TMEM128: variants seen among roughly 807,000 people sequenced by gnomAD.
The protein encoded by TMEM128 is transmembrane protein 128.
TMEM128 carries 16 observed loss-of-function variants against 19.7 expected under a neutral mutation model. That is an observed-to-expected ratio of 0.81 (90% confidence interval 0.55 to 1.23). The LOEUF is 1.23. Among genes scored for constraint, TMEM128 ranks in the 50% most tolerant of loss-of-function variants. TMEM128 has a pLI of 0.00. For synonymous variants in TMEM128, 98 were observed against 75.8 expected (o/e 1.29, Z -1.52); for missense variants, 237 against 200.8 (o/e 1.18, Z -1.09).
At chr4:4,245,900 T>C (rs901210605) in intron 2 of TMEM128, among the ~76,000 whole-genome samples, 1 of 152,120 alleles carries the variant, frequency 6.6e-6, no homozygotes, top group African/African-American at 2.4e-5. Context: ...TAGTTACCAC[T>C]GGTGGGGTAA....
At chr4:4,238,925 C>T (rs371860133) in intron 3 of TMEM128, among the ~76,000 whole-genome samples, 5 of 151,966 alleles carry the variant, frequency 3.3e-5, no homozygotes, top group African/African-American at 9.7e-5. Flanking sequence ...CCCAACTACT[C>T]GGGAGGCTGA....
chr4:4,240,347 A>G lies in TMEM128; in HGVS notation c.372T>C (p.Thr124=), dbSNP rs1391136294. The G allele has an allele frequency of 1.9e-6, 3 of 1,614,010 alleles. No homozygotes were observed. Among genetic ancestry groups the G allele is most frequent in the Admixed American group, 1.7e-5 (1 of 59,964 alleles). The stretch of plus-strand genomic sequence containing the variant: ...AAATTCCTGCTGCAATAAAGGAGGC[A>G]GTGGTAATGGGTATCAAGGCTGGAT... The part of the protein sequence containing the change: ...VKYPALIPIT[T]ASFIAAGICF... The change falls in exon 3 of 5, where the codon ACT becomes ACC. Residue 124 remains threonine (T), a synonymous_variant. Transcript: ENST00000382753.
chr4:4,246,310 G>C lies in TMEM128; in HGVS notation c.131C>G (p.Pro44Arg). 6.2e-7 allele frequency: 1 copy of C among 1,610,838 alleles called. No homozygotes were observed. Among genetic ancestry groups the C allele is most frequent in the Non-Finnish European group, 8.5e-7 (1 of 1,178,974 alleles). The change falls in exon 2 of 5, where the codon CCT becomes CGT. Residue 44 changes from proline (P) to arginine (R), a missense_variant. Coordinates refer to ENST00000382753, the MANE Select transcript of TMEM128 (RefSeq NM_001297551.2). The part of the protein sequence containing the change: ...TSTAVEKKEK[P>R]LPRLNIHSGF... ...AGAATGGATATTAAGTCTTGGAAGAGGTTTCTCCTTTTTCTCAACAGCTGT... is the reference window on the plus strand; with the variant it reads ...AGAATGGATATTAAGTCTTGGAAGACGTTTCTCCTTTTTCTCAACAGCTGT...
chr4:4,238,610 A>G (rs1311731673), intron 3 of TMEM128, among the ~76,000 whole-genome samples: 1 of 152,194 alleles, frequency 6.6e-6, no homozygotes, highest in Non-Finnish European at 1.5e-5. Context: ...AAAGTAAAAC[A>G]ACGTATCTGC....
rs749161555 is a variant in TMEM128 at position 4,246,267 on chromosome 4, T to G, written c.174A>C (p.Ala58=). 2 of 1,613,208 alleles carry G rather than the reference T, an allele frequency of 1.2e-6. No homozygotes were observed. Among genetic ancestry groups the G allele is most frequent in the Non-Finnish European group, 1.7e-6 (2 of 1,179,664 alleles). Residue 58 remains alanine, a synonymous_variant, in exon 2 of 5, where the codon GCA becomes GCC. Transcript: ENST00000382753. Reference sequence around the variant, plus strand: ...CAACATAATAGGTCACAACAATGGATGCCAAAATCCAGAATCCAGAATGGA... The same window carrying G: ...CAACATAATAGGTCACAACAATGGAGGCCAAAATCCAGAATCCAGAATGGA... ...LNIHSGFWIL[A]SIVVTYYVDF...
intron 2 of TMEM128, among the ~76,000 whole-genome samples, chr4:4,242,814 C>T (rs7676132): frequency 0.31 from 47,046 of 151,896 alleles, 7,909 homozygotes; most frequent in East Asian, 0.46. Context: ...CCACCATGCC[C>T]GGCCTAAGAA....
intron 2 of TMEM128, among the ~76,000 whole-genome samples, chr4:4,242,482 A>G (rs951553669): frequency 3.2e-4 from 49 of 151,254 alleles, no homozygotes; most frequent in African/African-American, 1.1e-3. Context: ...CTTTTTAGAC[A>G]TTTTTTTCCT....
chr4:4,247,222 A>C (rs1481950203), intron 1 of TMEM128, among the ~76,000 whole-genome samples: 1 of 152,222 alleles, frequency 6.6e-6, no homozygotes, highest in Non-Finnish European at 1.5e-5. Flanking sequence ...GGGTTGGGTC[A>C]GATGGATGAT....
At chr4:4,240,937 C>A (rs939111495) in intron 2 of TMEM128, among the ~76,000 whole-genome samples, 2 of 152,248 alleles carry the variant, frequency 1.3e-5, no homozygotes, top group Non-Finnish European at 1.5e-5. Flanking sequence ...ATTAGCCAGG[C>A]GTGGTGGCGC....
intron 1 of TMEM128, chr4:4,247,499 C>T: frequency 6.6e-7 from 1 of 1,520,316 alleles, no homozygotes; most frequent in Non-Finnish European, 9.1e-7. Flanking sequence ...GTCTCCCATC[C>T]TTAACCTCAG....
Position 4,240,468 on chromosome 4 carries a change from CAG to C in TMEM128, c.249_250del (p.Cys84TrpfsTer29), listed in dbSNP as rs747672700. The C allele has an allele frequency of 4.3e-6, 7 of 1,612,998 alleles. No homozygotes were observed. In the African/African-American group the frequency reaches 9.3e-5, roughly 22 times the overall value. On this transcript the variant is annotated frameshift_variant, in exon 3 of 5. Transcript: ENST00000382753. LOFTEE classifies it high-confidence loss of function. ...ACTGACAAGCAACAAGGCACTGCCA[CAG>C]AGAAACCAGCTGTGGAGATAAAAAC...
chr4:4,244,820 GTTC>G (rs1159331604), intron 2 of TMEM128, among the ~76,000 whole-genome samples: 1 of 152,182 alleles, frequency 6.6e-6, no homozygotes, highest in Non-Finnish European at 1.5e-5. Context: ...CCTTTGTCCA[GTTC>G]TTCATCACAC....
chr4:4,237,513 A>G (rs935769797), intron 4 of TMEM128, among the ~76,000 whole-genome samples: 5 of 152,192 alleles, frequency 3.3e-5, no homozygotes, highest in Admixed American at 2.0e-4. Flanking sequence ...ATGGTAGCAC[A>G]TGCTTATAAT....
At chr4:4,247,583 A>T in intron 1 of TMEM128, 1 of 1,614,202 alleles carries the variant, frequency 6.2e-7, no homozygotes, top group Non-Finnish European at 8.5e-7. Flanking sequence ...TCACAGGTGA[A>T]CATACATCAC....
At position 4,237,936 on chromosome 4, in the gene TMEM128, C is replaced by A. The variant is rs773057284; in HGVS notation, c.399-1G>T. On this transcript the variant is annotated splice_acceptor_variant, in intron 3 of 4. Coordinates refer to ENST00000382753, the MANE Select transcript of TMEM128 (RefSeq NM_001297551.2). LOFTEE classifies it high-confidence loss of function. ...CACATGCCATAAAGCAATGTTGAAG[C>A]TGAAAAGAACAAGACATAAACAGTT... is the stretch of plus-strand genomic sequence containing the variant. 4 of 1,546,058 alleles carry A rather than the reference C, an allele frequency of 2.6e-6. No homozygotes were observed. Among genetic ancestry groups the A allele is most frequent in the Non-Finnish European group, 3.5e-6 (4 of 1,141,306 alleles).
Position 4,246,299 on chromosome 4 carries a change from G to C in TMEM128, c.142C>G (p.Leu48Val). Residue 48 changes from leucine (L) to valine (V), a missense_variant, in exon 2 of 5, where the codon CTT becomes GTT. Physicochemically the swap from Leu to Val is conservative, Grantham distance 32. Transcript: ENST00000382753. ...VEKKEKPLPR[L>V]NIHSGFWILA... ...ATCCAGAATCCAGAATGGATATTAA[G>C]TCTTGGAAGAGGTTTCTCCTTTTTC... 6.2e-7 allele frequency: 1 copy of C among 1,612,728 alleles called. No individual in the cohort carries two copies. The highest frequency in any genetic ancestry group is 1.3e-5 in the African/African-American group (1 of 74,990).
intron 3 of TMEM128, 27 bp downstream of exon 3, chr4:4,240,294 C>A: frequency 6.2e-7 from 1 of 1,610,882 alleles, no homozygotes; most frequent in Non-Finnish European, 8.5e-7. Context: ...TTGTTCATTC[C>A]TGTTAGTCAT....
intron 4 of TMEM128, chr4:4,237,170 G>A (rs962425169): frequency 1.2e-5 from 5 of 421,180 alleles, no homozygotes; most frequent in African/African-American, 1.0e-4. Context: ...ATAATTAGAA[G>A]ATGGCAGAAT....
intron 2 of TMEM128, 34 bp from the exon 3 acceptor site, chr4:4,240,513 C>T: frequency 1.3e-6 from 2 of 1,593,946 alleles, no homozygotes; most frequent in South Asian, 2.3e-5. Flanking sequence ...GGTCTGACAG[C>T]ACTTAATGAA....
Sources: gnomAD v4.1 joint callset for allele counts (sites outside exome capture counted in the v4.1 genomes callset) on GRCh38, gnomAD v4.1.1 for gene constraint, MANE v1.5 for transcripts, NCBI Gene and HGNC (gene_info 2026-07-23, HGNC 2026-07-21) for gene names.